The following GTF2A1L variants were observed in gnomAD, a reference collection of about 807,000 sequenced individuals.
The protein encoded by GTF2A1L is general transcription factor IIA subunit 1 like, also known as TFIIA-alpha and beta-like factor.
Under a neutral mutation model 49.7 loss-of-function variants are expected in GTF2A1L, and 48 were observed. The ratio of observed to expected loss-of-function variants is 0.97; its 90% CI spans 0.77 to 1.23. The LOEUF (loss-of-function observed/expected upper bound fraction) is 1.23. Ranked by LOEUF, GTF2A1L falls within the 50% of genes most tolerant of loss-of-function variation. The pLI is 0.00. For synonymous variants in GTF2A1L, 246 were observed against 193.5 expected (o/e 1.27, Z -2.25); for missense variants, 736 against 564.8 (o/e 1.30, Z -3.07).
At chr2:48,619,784 T>TA (rs1377268181) in intron 1 of GTF2A1L, among the ~76,000 whole-genome samples, 1 of 152,218 alleles carries the variant, frequency 6.6e-6, no homozygotes, top group Non-Finnish European at 1.5e-5. Flanking sequence ...TTTTTTCACA[T>TA]ACCCTCTTTT....
In GTF2A1L at chr2:48,642,463, T is replaced by TA. The variant is rs1325471892; in HGVS notation, c.303+7dup. 2 of 1,574,860 alleles carry TA rather than the reference T, an allele frequency of 1.3e-6. No homozygotes were observed. The highest frequency in any genetic ancestry group is 2.7e-5 in the African/African-American group (2 of 74,544). On this transcript the variant is annotated splice_region_variant and intron_variant, in intron 4 of 8. Transcript: ENST00000403751. ...GTTTTACCACAGCAGAACTGGTATG[T>TA]AGCTTACTTAAAATATATTTTAAAA...
At chr2:48,644,479 ATATAG>A (rs1222856918) in intron 4 of GTF2A1L, among the ~76,000 whole-genome samples, 2 of 152,182 alleles carry the variant, frequency 1.3e-5, no homozygotes, top group African/African-American at 4.8e-5. Context: ...CATTTTTCTA[ATATAG>A]TATTCTATTG....
chr2:48,679,198 C>A, intron 8 of GTF2A1L, 137 bp from the exon 9 acceptor site: 2 of 1,134,840 alleles, frequency 1.8e-6, no homozygotes, highest in Admixed American at 3.1e-5. Flanking sequence ...ATGGAATAAA[C>A]AAACTATCTT....
At position 48,669,683 on chromosome 2, in the gene GTF2A1L, A is replaced by G. The variant is rs370793926; in HGVS notation, c.979-39A>G. The G allele has an allele frequency of 5.3e-5, 83 of 1,572,362 alleles. 1 individual carries two copies. The Middle Eastern group carries it at 1.9e-3, about 36-fold the overall frequency. On this transcript the variant is annotated intron_variant, in intron 6 of 8. Coordinates refer to ENST00000403751, the MANE Select transcript of GTF2A1L (RefSeq NM_006872.5). Reference sequence around the variant, plus strand: ...TTGGATTCAATATTTTATATACCTTATTTGACTTGAACTTTATTGTATTTC... The same window carrying G: ...TTGGATTCAATATTTTATATACCTTGTTTGACTTGAACTTTATTGTATTTC...
rs185994997 is a variant in GTF2A1L, at chr2:48,671,693, C to G, written c.1329+13C>G. 5.6e-6 allele frequency: 9 copies of G among 1,601,538 alleles called. No individual in the cohort carries two copies. Among genetic ancestry groups the G allele is most frequent in the Non-Finnish European group, 7.7e-6 (9 of 1,174,758 alleles). ...TCAGTATGATAAGGTACTGTATTTA[C>G]CTTTTGGACTTTGGGTTTATTAACT... On this transcript the variant is annotated intron_variant, in intron 8 of 8. Transcript: ENST00000403751.
chr2:48,634,467 T>G (rs1289044290), intron 3 of GTF2A1L, among the ~76,000 whole-genome samples: 1 of 152,168 alleles, frequency 6.6e-6, no homozygotes. Flanking sequence ...CTTTGTAGTT[T>G]CTGTTGTGTG....
intron 8 of GTF2A1L, among the ~76,000 whole-genome samples, chr2:48,673,762 A>C (rs998048672): frequency 2.0e-5 from 3 of 152,164 alleles, no homozygotes; most frequent in African/African-American, 7.2e-5. Context: ...TAATGACAAT[A>C]AACTGGAGGA....
At chr2:48,652,509 G>A (rs1165891253) in intron 6 of GTF2A1L, among the ~76,000 whole-genome samples, 6 of 150,932 alleles carry the variant, frequency 4.0e-5, no homozygotes, top group South Asian at 4.2e-4. Flanking sequence ...CCAGCTACTC[G>A]GGATCTGAGG....
intron 3 of GTF2A1L, chr2:48,633,133 G>T (rs1676676440): frequency 7.6e-6 from 2 of 262,688 alleles, no homozygotes; most frequent in Non-Finnish European, 1.6e-5. Context: ...TGCAAGTGAT[G>T]GTTCATGACA....
At chr2:48,668,791 C>T (rs986548962) in intron 6 of GTF2A1L, 2 of 151,798 alleles carry the variant, frequency 1.3e-5, no homozygotes, top group African/African-American at 4.8e-5. Flanking sequence ...GCCGAGAACG[C>T]GCCACTGCAC....
At chr2:48,633,897 G>GTCT (rs3047605) in intron 3 of GTF2A1L, among the ~76,000 whole-genome samples, 133,876 of 151,976 alleles carry the variant, frequency 0.88, 59,267 homozygotes, top group East Asian at 1. Context: ...GGCCTTCTTT[G>GTCT]TTTTTTATTG....
chr2:48,642,289 C>A, intron 3 of GTF2A1L, 113 bp from the exon 4 acceptor site: 2 of 1,034,152 alleles, frequency 1.9e-6, no homozygotes, highest in Admixed American at 3.2e-5. Flanking sequence ...TAGAATTCAC[C>A]ATGGTTTAAC....
chr2:48,673,842 C>A (rs1679307370), intron 8 of GTF2A1L, among the ~76,000 whole-genome samples: 1 of 151,910 alleles, frequency 6.6e-6, no homozygotes, highest in Non-Finnish European at 1.5e-5. Flanking sequence ...ACTTATTTTC[C>A]TTTGTGTATA....
At chr2:48,642,378 A>T in intron 3 of GTF2A1L, 24 bp from the exon 4 acceptor site, 1 of 1,545,256 alleles carries the variant, frequency 6.5e-7, no homozygotes, top group Non-Finnish European at 8.8e-7. Flanking sequence ...TAATGAATGT[A>T]TATTTATTTT....
intron 5 of GTF2A1L, among the ~76,000 whole-genome samples, chr2:48,645,351 G>A (rs534953790): frequency 6.6e-6 from 1 of 152,274 alleles, no homozygotes; most frequent in African/African-American, 2.4e-5. Flanking sequence ...TCCCAACATT[G>A]TATAGGGGTT....
chr2:48,654,438 G>T (rs754766435), intron 6 of GTF2A1L, among the ~76,000 whole-genome samples: 4 of 151,822 alleles, frequency 2.6e-5, no homozygotes, highest in Non-Finnish European at 5.9e-5. Context: ...TCGCTCTGTC[G>T]CCCAGGCTGG....
intron 3 of GTF2A1L, among the ~76,000 whole-genome samples, chr2:48,623,225 T>C (rs1317305850): frequency 6.6e-6 from 1 of 152,206 alleles, no homozygotes; most frequent in African/African-American, 2.4e-5. Flanking sequence ...TCTCATGGTA[T>C]GCTTTTAAAA....
intron 6 of GTF2A1L, among the ~76,000 whole-genome samples, chr2:48,661,829 G>A (rs1678517804): frequency 6.6e-6 from 1 of 151,948 alleles, no homozygotes; most frequent in South Asian, 2.1e-4. Context: ...GCATATAGTT[G>A]GATCTTGTTT....
chr2:48,619,144 T>C lies in GTF2A1L; in HGVS notation c.21+1249T>C, dbSNP rs559799427. Among the ~76,000 whole-genome samples the C allele has an allele frequency of 1.5e-3, 227 of 152,270 alleles. 1 individual carries two copies. Among genetic ancestry groups the C allele is most frequent in the Non-Finnish European group, 2.0e-3 (138 of 68,018 alleles). ...TTCGTATAGGTTTACCCTGGGTCTT[T>C]AGAAGGATTAAAGCATAGCTTTAAA... On this transcript the variant is annotated intron_variant, in intron 1 of 8. Transcript: ENST00000403751.
Sources: allele counts gnomAD v4.1 joint callset (sites outside exome capture counted in the v4.1 genomes callset), GRCh38; gene constraint gnomAD v4.1.1; transcripts MANE v1.5; gene names NCBI Gene and HGNC (gene_info 2026-07-23, HGNC 2026-07-21).